The following TMC5 variants were observed in gnomAD, a reference collection of about 807,000 sequenced individuals.
TMC5 encodes the protein transmembrane channel like 5, also known as transmembrane channel-like protein 5.
In TMC5, 86 loss-of-function variants were observed where a neutral mutation model predicts 110.5. That is an observed-to-expected ratio of 0.78 (90% CI 0.65 to 0.93). The LOEUF (loss-of-function observed/expected upper bound fraction) is 0.93, where lower values mean the gene tolerates loss of function less well. Ranked by LOEUF, TMC5 falls within the 40% of genes least tolerant of loss-of-function variation. TMC5 has a pLI of 0.00. For missense variants in TMC5, 1,144 were observed against 1,222.8 expected, an observed-to-expected ratio of 0.94 and a Z score of 0.96; for synonymous variants, 455 against 439.5, an observed-to-expected ratio of 1.04 and a Z score of -0.44.
chr16:19,489,275 C>G (rs1330591918), intron 17 of TMC5, among the ~76,000 whole-genome samples: 2 of 152,236 alleles, frequency 1.3e-5, no homozygotes, highest in African/African-American at 4.8e-5. Flanking sequence ...ATTGTCCCAC[C>G]TCAGCCTCCC....
chr16:19,477,604 A>G (rs1968520674), intron 13 of TMC5, 86 bp downstream of exon 13: 1 of 911,740 alleles, frequency 1.1e-6, no homozygotes, highest in East Asian at 2.5e-5. Flanking sequence ...GAGCCATCAC[A>G]CTCCGTATTT....
chr16:19,420,707 C>T (rs1239959325), intron 1 of TMC5, among the ~76,000 whole-genome samples: 1 of 152,210 alleles, frequency 6.6e-6, no homozygotes, highest in African/African-American at 2.4e-5. Context: ...AAGCAATCCT[C>T]CTGCCTCAGC....
intron 5 of TMC5, among the ~76,000 whole-genome samples, chr16:19,454,116 C>T (rs1282050248): frequency 2.6e-5 from 4 of 152,022 alleles, no homozygotes; most frequent in East Asian, 1.9e-4. Flanking sequence ...GGAGTGACCT[C>T]GGCTCACTGC....
intron 7 of TMC5, among the ~76,000 whole-genome samples, 173 bp from the exon 8 acceptor site, chr16:19,463,603 G>A (rs1401266839): frequency 6.6e-6 from 1 of 152,208 alleles, no homozygotes; most frequent in African/African-American, 2.4e-5. Context: ...AACCTGGGAA[G>A]GTCATAATAG....
intron 20 of TMC5, among the ~76,000 whole-genome samples, chr16:19,495,931 C>T (rs1597224281): frequency 2.0e-5 from 3 of 151,826 alleles, no homozygotes; most frequent in Admixed American, 6.6e-5. Context: ...GTCAGGGGTT[C>T]GAGACCAGCC....
Position 19,494,317 on chromosome 16 carries a change from A to G in TMC5, c.2882A>G (p.Glu961Gly). 1 of 1,613,810 alleles carries G rather than the reference A, an allele frequency of 6.2e-7. No homozygotes were observed. Among genetic ancestry groups the G allele is most frequent in the South Asian group, 1.1e-5 (1 of 91,026 alleles). ...AAATTGATCAAGCTGCAGGATATGG[A>G]GAAGAAAGCAAACCCCAGCTCACTT... ...IEKLIKLQDMEKKANPSSLVL... is the reference protein window; with the variant it reads ...IEKLIKLQDMGKKANPSSLVL... Residue 961 changes from glutamate to glycine, a missense_variant, in exon 20 of 22, where the codon GAG (glutamate) becomes GGG (glycine). By Grantham distance (98) the Glu-to-Gly change is moderately conservative. Transcript: ENST00000542583.
chr16:19,439,934 C>T (rs551263970), intron 2 of TMC5, 26 bp from the exon 3 acceptor site: 1 of 1,025,084 alleles, frequency 9.8e-7, no homozygotes, highest in Non-Finnish European at 1.4e-6. Context: ...AAAAATCTGA[C>T]TTTTTCTTTT....
chr16:19,465,029 TTCTTTCTTTCTTTCTTTC>T (rs1312585484), intron 8 of TMC5, among the ~76,000 whole-genome samples: 3 of 121,554 alleles, frequency 2.5e-5, no homozygotes, highest in African/African-American at 9.7e-5. Context: ...CTTTCTTTCT[TTCTTTCTTTCTTTCTTTC>T]TTTCTTTCTT....
chr16:19,459,205 C>T (rs1282535191), intron 5 of TMC5, among the ~76,000 whole-genome samples: 3 of 152,116 alleles, frequency 2.0e-5, no homozygotes, highest in African/African-American at 4.8e-5. Context: ...CTAAAACTTG[C>T]TCTTTGGGCC....
At chr16:19,439,808 G>A (rs962422083) in intron 2 of TMC5, among the ~76,000 whole-genome samples, 152 bp from the exon 3 acceptor site, 4 of 152,134 alleles carry the variant, frequency 2.6e-5, no homozygotes, top group African/African-American at 9.7e-5. Flanking sequence ...TCATACCTTG[G>A]TGCAAGAGAA....
intron 1 of TMC5, among the ~76,000 whole-genome samples, chr16:19,427,407 G>T (rs76104422): frequency 1.3e-5 from 2 of 152,176 alleles, no homozygotes; most frequent in Non-Finnish European, 2.9e-5. Flanking sequence ...AGCTATCATC[G>T]TGCCACTGCA....
intron 11 of TMC5, among the ~76,000 whole-genome samples, chr16:19,473,142 T>C (rs1968386874): frequency 6.6e-6 from 1 of 151,868 alleles, no homozygotes; most frequent in African/African-American, 2.4e-5. Context: ...GATCAGGAGT[T>C]TGAGACTAGC....
chr16:19,494,871 T>TAA (rs1969009675), intron 20 of TMC5, among the ~76,000 whole-genome samples: 1 of 152,154 alleles, frequency 6.6e-6, no homozygotes, highest in Non-Finnish European at 1.5e-5. Flanking sequence ...GTGCTGGGGT[T>TAA]ACGGTGAACA....
At chr16:19,484,726 C>T (rs893876498) in intron 15 of TMC5, among the ~76,000 whole-genome samples, 13 of 149,570 alleles carry the variant, frequency 8.7e-5, no homozygotes, top group African/African-American at 3.0e-4. Flanking sequence ...ATGCCACTGG[C>T]TGCACTCCAG....
intron 20 of TMC5, among the ~76,000 whole-genome samples, chr16:19,496,764 C>G (rs1969062873): frequency 6.6e-6 from 1 of 151,572 alleles, no homozygotes; most frequent in Admixed American, 6.6e-5. Flanking sequence ...GTGGCAGGCA[C>G]CTATAATCCC....
chr16:19,446,276 C>T (rs1029069836), intron 4 of TMC5, among the ~76,000 whole-genome samples: 1 of 151,992 alleles, frequency 6.6e-6, no homozygotes, highest in African/African-American at 2.4e-5. Flanking sequence ...CTTGAAAGGC[C>T]AGAAAAAAAT....
At chr16:19,426,694 T>C (rs537896482) in intron 1 of TMC5, among the ~76,000 whole-genome samples, 1 of 152,340 alleles carries the variant, frequency 6.6e-6, no homozygotes, top group South Asian at 2.1e-4. Context: ...AAACCCACTT[T>C]TTGTTTTGTT....
intron 1 of TMC5, among the ~76,000 whole-genome samples, chr16:19,425,489 TA>T (rs1967072164): frequency 6.6e-6 from 1 of 152,182 alleles, no homozygotes; most frequent in Non-Finnish European, 1.5e-5. Context: ...AGAGAAAATA[TA>T]CACAGCTTTA....
At chr16:19,491,498 G>A (rs1299661756) in intron 18 of TMC5, among the ~76,000 whole-genome samples, 2 of 151,450 alleles carry the variant, frequency 1.3e-5, no homozygotes, top group African/African-American at 4.9e-5. Context: ...GGGGAAGGGG[G>A]GAAAGGTTAT....
Sources: gnomAD v4.1 joint callset for allele counts (sites outside exome capture counted in the v4.1 genomes callset) on GRCh38, gnomAD v4.1.1 for gene constraint, MANE v1.5 for transcripts, NCBI Gene and HGNC (gene_info 2026-07-23, HGNC 2026-07-21) for gene names.